The following PLXNA4 variants were observed in gnomAD, a reference collection of about 807,000 sequenced individuals.
PLXNA4 encodes plexin-A4.
Under a neutral mutation model 191.8 loss-of-function variants are expected in PLXNA4, and 44 were observed. The ratio of observed to expected loss-of-function variants is 0.23; its 90% CI spans 0.18 to 0.29. The LOEUF (loss-of-function observed/expected upper bound fraction) is 0.29, where lower values mean the gene tolerates loss of function less well. PLXNA4 is among the 10% of genes least tolerant of loss of function. The pLI is 1.00. For missense variants in PLXNA4, 1,800 were observed against 2,488.8 expected (o/e 0.72, Z 5.89); for synonymous variants, 1,082 against 1,009.5 (o/e 1.07, Z -1.36).
intron 3 of PLXNA4, among the ~76,000 whole-genome samples, chr7:132,361,909 G>A (rs1158566790): frequency 6.6e-6 from 1 of 152,046 alleles, no homozygotes; most frequent in Non-Finnish European, 1.5e-5. Flanking sequence ...ATTTAAAAAA[G>A]GAAAAGAAGA....
intron 3 of PLXNA4, among the ~76,000 whole-genome samples, chr7:132,355,508 G>T (rs1803662056): frequency 6.6e-6 from 1 of 152,158 alleles, no homozygotes. Flanking sequence ...CACAAGTCTG[G>T]ACAAATGAGA....
At chr7:132,599,694 T>A (rs1459678631) in intron 2 of PLXNA4, among the ~76,000 whole-genome samples, 2 of 152,102 alleles carry the variant, frequency 1.3e-5, no homozygotes, top group Non-Finnish European at 2.9e-5. Flanking sequence ...CTTTTTTTTT[T>A]CTTTTTTTAT....
intron 3 of PLXNA4, among the ~76,000 whole-genome samples, chr7:132,465,291 T>C (rs1297671322): frequency 6.6e-6 from 1 of 152,214 alleles, no homozygotes; most frequent in African/African-American, 2.4e-5. Context: ...CTGGGAAAAC[T>C]GAGAGGGAAG....
chr7:132,551,621 G>T (rs1417936429), intron 1 of PLXNA4, among the ~76,000 whole-genome samples: 1 of 152,098 alleles, frequency 6.6e-6, no homozygotes, highest in African/African-American at 2.4e-5. Context: ...GCCCTGTACT[G>T]TACTCTCTCA....
At chr7:132,273,172 T>G (rs544778749) in intron 4 of PLXNA4, among the ~76,000 whole-genome samples, 1 of 152,134 alleles carries the variant, frequency 6.6e-6, no homozygotes, top group Non-Finnish European at 1.5e-5. Context: ...GGAGCAGATG[T>G]CATCCACTCT....
Position 132,420,564 on chromosome 7 carries a change from GGAA to G in PLXNA4, c.1371+68725_1371+68727del, listed in dbSNP as rs531511108. On this transcript the variant is annotated intron_variant, in intron 3 of 31. Transcript: ENST00000321063. ...TTCTTTGCCTTTAAGCACCTGAATA[GGAA>G]GAAGAACACTCAGTTCTTTTCAAAT... 2.6e-4 allele frequency among the ~76,000 whole-genome samples: 39 copies of G among 152,278 alleles called. No individual in the cohort carries two copies. The East Asian group carries it at 6.6e-3, about 26-fold the overall frequency.
chr7:132,427,443 G>A (rs1795087353), intron 3 of PLXNA4, among the ~76,000 whole-genome samples: 1 of 152,192 alleles, frequency 6.6e-6, no homozygotes, highest in Non-Finnish European at 1.5e-5. Context: ...GGGAAAGAGG[G>A]AAGAGAAATA....
At chr7:132,596,109 A>G (rs935626432) in intron 2 of PLXNA4, among the ~76,000 whole-genome samples, 1 of 152,184 alleles carries the variant, frequency 6.6e-6, no homozygotes, top group Non-Finnish European at 1.5e-5. Context: ...CTTTTAATCC[A>G]GTACAGTCCT....
At chr7:132,623,794 G>T (rs1186350877) in intron 2 of PLXNA4, among the ~76,000 whole-genome samples, 2 of 152,200 alleles carry the variant, frequency 1.3e-5, no homozygotes, top group Non-Finnish European at 2.9e-5. Context: ...CCCCCAGGTT[G>T]TACAGCACCT....
chr7:132,478,180 A>G (rs1190456894), intron 3 of PLXNA4, among the ~76,000 whole-genome samples: 1 of 152,220 alleles, frequency 6.6e-6, no homozygotes, highest in East Asian at 1.9e-4. Flanking sequence ...ACACTGCCTA[A>G]CTAAACCTCC....
chr7:132,181,995 A>T lies in PLXNA4; in HGVS notation c.3252+102T>A, dbSNP rs1179617821. 7 of 1,567,434 alleles carry T rather than the reference A, an allele frequency of 4.5e-6. No homozygotes were observed. In the African/African-American group the frequency reaches 5.4e-5, roughly 12 times the overall value. On this transcript the variant is annotated intron_variant, in intron 17 of 31. Coordinates refer to ENST00000321063, the MANE Select transcript of PLXNA4 (RefSeq NM_020911.2). Reference sequence around the variant, plus strand: ...GTGTCAGGCTGTGGGTTATCAGTGTATGGGCAGGGAGTTACCTCAGTACTT... The same window carrying T: ...GTGTCAGGCTGTGGGTTATCAGTGTTTGGGCAGGGAGTTACCTCAGTACTT...
chr7:132,226,391 A>C (rs1798323977), intron 7 of PLXNA4, 131 bp from the exon 8 acceptor site: 1 of 677,554 alleles, frequency 1.5e-6, no homozygotes, highest in South Asian at 1.8e-5. Flanking sequence ...GCTCTGACTC[A>C]GCAGACCCAG....
Position 132,203,312 on chromosome 7 carries a change from C to A in PLXNA4, c.2395+11G>T. ...CCCTCCCTCCCCTGCTAGGCCCCAG[C>A]CCTTCCACACCTTTATTCTGAGCTG... On this transcript the variant is annotated intron_variant, in intron 11 of 31. Coordinates refer to ENST00000321063, the MANE Select transcript of PLXNA4 (RefSeq NM_020911.2). 5 of 1,414,026 alleles carry A rather than the reference C, an allele frequency of 3.5e-6. No homozygotes were observed. The highest frequency in any genetic ancestry group is 4.8e-6 in the Non-Finnish European group (5 of 1,040,278). 87.6% of individuals were successfully genotyped at this position (1,414,026 alleles called of 1,614,324 possible).
In PLXNA4 at chr7:132,508,755, G is replaced by C. The variant is rs1798589764; in HGVS notation, c.-62C>G. Reference sequence around the variant, plus strand: ...GCACAGTCGTCCCCTCAGAGGGCCAGGACTCAGCAATGCAGTCTCCCCTAC... The same window carrying C: ...GCACAGTCGTCCCCTCAGAGGGCCACGACTCAGCAATGCAGTCTCCCCTAC... On this transcript the variant is annotated 5_prime_UTR_variant, in exon 2 of 32. Transcript: ENST00000321063. This position sits in a 1 kb window ranked among gnomAD's most constrained non-coding sequence, Gnocchi z 4.4. 8.3e-6 allele frequency: 12 copies of C among 1,447,056 alleles called. No homozygotes were observed. The highest frequency in any genetic ancestry group is 1.1e-5 in the Non-Finnish European group (12 of 1,105,240). The allele number at this position is 1,447,056 out of a possible 1,614,324, so 89.6% of individuals were successfully genotyped here. A position where few individuals can be genotyped will look rare whatever the true frequency, so the allele number is the denominator to read the frequency against.
In PLXNA4 at chr7:132,251,050, CCT is replaced by C. The variant is rs1799229504; in HGVS notation, c.1504-9886_1504-9885del. Reference sequence around the variant, plus strand: ...GATCAAAGTGCTGCTCCTGTTCCAGCCTTTTTTTTTTTTTTTTTGACTCTGTG... The same window carrying C: ...GATCAAAGTGCTGCTCCTGTTCCAGCTTTTTTTTTTTTTTTTGACTCTGTG... On this transcript the variant is annotated intron_variant, in intron 4 of 31. Transcript: ENST00000321063. Among the ~76,000 whole-genome samples, 25 of 93,552 alleles carry C rather than the reference CCT, an allele frequency of 2.7e-4. No homozygotes were observed. In the South Asian group the frequency reaches 0.013, roughly 49 times the overall value. 61.4% of individuals were successfully genotyped at this position (93,552 alleles called of 152,430 possible). A position where few individuals can be genotyped will look rare whatever the true frequency, so the allele number is the denominator to read the frequency against.
intron 1 of PLXNA4, among the ~76,000 whole-genome samples, chr7:132,543,326 G>C (rs1800161197): frequency 6.6e-6 from 1 of 152,184 alleles, no homozygotes; most frequent in South Asian, 2.1e-4. Flanking sequence ...CTTGTGTCCT[G>C]TAATGCCCTG....
intron 30 of PLXNA4, 41 bp from the exon 31 acceptor site, chr7:132,133,240 T>A (rs1213899395): frequency 6.2e-7 from 1 of 1,605,738 alleles, no homozygotes; most frequent in African/African-American, 1.3e-5. Context: ...AAGTCGTGCA[T>A]ACGGAGTAGA....
rs776059024 is a variant in PLXNA4, at chr7:132,159,622, C to T, written c.4511G>A (p.Cys1504Tyr). 1 of 1,614,066 alleles carries T rather than the reference C, an allele frequency of 6.2e-7. No homozygotes were observed. Among genetic ancestry groups the T allele is most frequent in the Admixed American group, 1.7e-5 (1 of 60,002 alleles). ...GCTGTTGGCATTGTCTGGGCTGACA[C>T]AGCTCAGGACCTGAAGGAAAGGTGG... ...QIDYKTLVLS[C>Y]VSPDNANSPE... Residue 1504 changes from cysteine to tyrosine, a missense_variant, in exon 25 of 32, where the codon TGT (cysteine) becomes TAT (tyrosine). Cys to Tyr is a radical substitution (Grantham distance 194). Transcript: ENST00000321063.
At chr7:132,435,426 C>T (rs1338422264) in intron 3 of PLXNA4, among the ~76,000 whole-genome samples, 1 of 152,040 alleles carries the variant, frequency 6.6e-6, no homozygotes, top group Non-Finnish European at 1.5e-5. Flanking sequence ...AGCCTGCAGA[C>T]CCAGAAATGG....
Sources: gnomAD v4.1 joint callset for allele counts (sites outside exome capture counted in the v4.1 genomes callset) on GRCh38, gnomAD v4.1.1 for gene constraint, Gnocchi (gnomAD v3.1) non-coding constraint, MANE v1.5 for transcripts, NCBI Gene and HGNC (gene_info 2026-07-23, HGNC 2026-07-21) for gene names.